The following SUFU variants were observed in gnomAD, a reference collection of about 807,000 sequenced individuals.
The protein encoded by SUFU is SUFU negative regulator of hedgehog signaling, also known as suppressor of fused homolog.
Under a neutral mutation model 58.9 loss-of-function variants are expected in SUFU, and 7 were observed. That is an observed-to-expected ratio of 0.12 (90% CI 0.07 to 0.22). The LOEUF is 0.22. SUFU is among the 10% of genes least tolerant of loss of function. SUFU has a pLI of 1.00. For synonymous variants in SUFU, 232 were observed against 254.8 expected, an observed-to-expected ratio of 0.91 and a Z score of 0.85; for missense variants, 451 against 641.3, an observed-to-expected ratio of 0.70 and a Z score of 3.20.
chr10:102,556,008 C>T (rs1241808161), intron 3 of SUFU, among the ~76,000 whole-genome samples: 1 of 152,230 alleles, frequency 6.6e-6, no homozygotes, highest in Non-Finnish European at 1.5e-5. Flanking sequence ...CACCCATTTG[C>T]ACGTGAGAAC....
intron 3 of SUFU, among the ~76,000 whole-genome samples, chr10:102,554,185 C>T (rs2062949853): frequency 6.6e-6 from 1 of 152,024 alleles, no homozygotes; most frequent in African/African-American, 2.4e-5. Context: ...GTTGGATCAC[C>T]TGAGGTCAGG....
At chr10:102,530,661 C>T (rs1247359216) in intron 2 of SUFU, among the ~76,000 whole-genome samples, 3 of 151,560 alleles carry the variant, frequency 2.0e-5, no homozygotes, top group Non-Finnish European at 2.9e-5. Context: ...ACTATGTTGC[C>T]CAGACTGGTC....
chr10:102,621,335 G>C (rs1319321861), intron 10 of SUFU, among the ~76,000 whole-genome samples: 1 of 152,182 alleles, frequency 6.6e-6, no homozygotes, highest in East Asian at 1.9e-4. Context: ...ATGCGCCTGG[G>C]GAAGTACCCT....
At chr10:102,516,414 T>C (rs1331168869) in intron 2 of SUFU, among the ~76,000 whole-genome samples, 2 of 152,162 alleles carry the variant, frequency 1.3e-5, no homozygotes, top group East Asian at 1.9e-4. Context: ...TGTGGGTGCA[T>C]GGCTTCATCC....
At chr10:102,568,545 C>T (rs1031258306) in intron 3 of SUFU, among the ~76,000 whole-genome samples, 1 of 152,072 alleles carries the variant, frequency 6.6e-6, no homozygotes, top group South Asian at 2.1e-4. Context: ...GCTTTATTCA[C>T]ACAGCATCAT....
chr10:102,516,286 C>T (rs913025), intron 2 of SUFU, among the ~76,000 whole-genome samples: 46,609 of 151,550 alleles, frequency 0.31, 7,451 homozygotes, highest in Admixed American at 0.36. Flanking sequence ...GTTGGCCAGG[C>T]TGGTCTCAGA....
chr10:102,518,384 T>C (rs1036300001), intron 2 of SUFU, among the ~76,000 whole-genome samples: 5 of 152,182 alleles, frequency 3.3e-5, no homozygotes, highest in African/African-American at 7.2e-5. Context: ...TTCAGAATTA[T>C]GCTGCTAAAT....
At chr10:102,541,875 A>AT (rs58231037) in intron 2 of SUFU, among the ~76,000 whole-genome samples, 14,827 of 86,390 alleles carry the variant, frequency 0.17, 1,595 homozygotes, top group Non-Finnish European at 0.19. Flanking sequence ...TGCCCGGCTA[A>AT]TTTTTTTTTT....
chr10:102,612,308 AT>A (rs1317735136), intron 8 of SUFU, among the ~76,000 whole-genome samples: 2 of 151,148 alleles, frequency 1.3e-5, no homozygotes, highest in Non-Finnish European at 2.9e-5. Flanking sequence ...GCATTTTGCA[AT>A]TTTTTTTTCT....
chr10:102,525,046 T>C (rs969101283), intron 2 of SUFU, among the ~76,000 whole-genome samples: 2 of 152,214 alleles, frequency 1.3e-5, no homozygotes, highest in Non-Finnish European at 2.9e-5. Flanking sequence ...TCAGAACCCT[T>C]CTGTGGGAGG....
intron 3 of SUFU, chr10:102,573,161 A>G: frequency 2.6e-6 from 2 of 774,072 alleles, no homozygotes; most frequent in Non-Finnish European, 4.7e-6. Context: ...CTTGGCCTTC[A>G]AAGCCTTTGC....
intron 8 of SUFU, among the ~76,000 whole-genome samples, chr10:102,608,712 T>G (rs1209596729): frequency 1.3e-5 from 2 of 152,104 alleles, no homozygotes; most frequent in Non-Finnish European, 1.5e-5. Flanking sequence ...CCACAGCGTT[T>G]TAGGGGATTT....
At chr10:102,579,546 G>A (rs536035189) in intron 3 of SUFU, among the ~76,000 whole-genome samples, 4 of 152,318 alleles carry the variant, frequency 2.6e-5, no homozygotes, top group East Asian at 3.9e-4. Context: ...GCTGAAGAGC[G>A]GGCGGTTCTG....
chr10:102,508,417 C>A (rs370123707), intron 1 of SUFU, among the ~76,000 whole-genome samples: 4 of 152,132 alleles, frequency 2.6e-5, no homozygotes, highest in Non-Finnish European at 5.9e-5. Context: ...TCCTGAGAGG[C>A]CCCAAATCAT....
chr10:102,557,820 C>T (rs1448403120), intron 3 of SUFU, among the ~76,000 whole-genome samples: 2 of 152,054 alleles, frequency 1.3e-5, no homozygotes, highest in African/African-American at 4.8e-5. Context: ...ACCATCATTC[C>T]TAGTTTCAGT....
At chr10:102,595,429 C>A (rs2063450863) in intron 6 of SUFU, among the ~76,000 whole-genome samples, 3 of 152,244 alleles carry the variant, frequency 2.0e-5, no homozygotes, top group Non-Finnish European at 2.9e-5. Context: ...GAACCAGGAA[C>A]CAGGAAGGCT....
chr10:102,579,804 C>T, intron 3 of SUFU: 1 of 985,346 alleles, frequency 1.0e-6, no homozygotes, highest in Non-Finnish European at 1.2e-6. Context: ...TCAAACCAAA[C>T]ACTCAAATGA....
intron 11 of SUFU, 48 bp from the exon 12 acceptor site, chr10:102,630,018 A>C (rs1453032701): frequency 1.3e-6 from 2 of 1,554,284 alleles, no homozygotes; most frequent in Non-Finnish European, 1.8e-6. Flanking sequence ...ACCACGGTGT[A>C]TTCTGCTAAC....
In SUFU at chr10:102,615,365, A is replaced by G. The variant is rs2063674917; in HGVS notation, c.1120A>G (p.Asn374Asp). Residue 374 changes from asparagine (N) to aspartate (D), a missense_variant, in exon 9 of 12, where the codon AAC (asparagine) becomes GAC (aspartate). By Grantham distance (23) the Asn-to-Asp change is conservative. Coordinates refer to ENST00000369902, the MANE Select transcript of SUFU (RefSeq NM_016169.4). ...RQLESVHLKFNQESGALIPLC... is the reference protein window; with the variant it reads ...RQLESVHLKFDQESGALIPLC... ...GCTTGAGAGCGTACATCTGAAATTC[A>G]ACCAGGAGTCCGGAGCCCTCATTCC... The G allele has an allele frequency of 6.2e-7, 1 of 1,614,060 alleles. No homozygotes were observed.
Sources: gnomAD v4.1 joint callset for allele counts (sites outside exome capture counted in the v4.1 genomes callset) on GRCh38, gnomAD v4.1.1 for gene constraint, MANE v1.5 for transcripts, NCBI Gene and HGNC (gene_info 2026-07-23, HGNC 2026-07-21) for gene names.